Variants in PSMA1 observed in about 807,000 individuals in gnomAD.
PSMA1 encodes proteasome subunit alpha type-1.
PSMA1 carries 3 observed loss-of-function variants against 38.4 expected under a neutral mutation model. That is an observed-to-expected ratio of 0.08 (90% CI 0.04 to 0.20). PSMA1 has a LOEUF of 0.20. Among genes scored for constraint, PSMA1 ranks in the 10% least tolerant of loss-of-function variants. The pLI is 1.00. For synonymous variants in PSMA1, 101 were observed against 107.1 expected (o/e 0.94, Z 0.35); for missense variants, 227 against 325.3 (o/e 0.70, Z 2.32).
chr11:14,511,504 C>G (rs1851342572), intron 7 of PSMA1, among the ~76,000 whole-genome samples: 1 of 134,810 alleles, frequency 7.4e-6, no homozygotes, highest in African/African-American at 2.5e-5. Context: ...GTTAGTTTAA[C>G]AACTGAAAGT....
At chr11:14,639,269 G>C (rs1479133432) in intron 1 of PSMA1, among the ~76,000 whole-genome samples, 2 of 148,828 alleles carry the variant, frequency 1.3e-5, no homozygotes, top group Non-Finnish European at 3.0e-5. Flanking sequence ...TAGGAAAAAG[G>C]GTTCTTTTAG....
chr11:14,535,456 T>C (rs1365324162), intron 2 of PSMA1, among the ~76,000 whole-genome samples: 1 of 151,606 alleles, frequency 6.6e-6, no homozygotes, highest in Non-Finnish European at 1.5e-5. Context: ...TTTTTTTTTT[T>C]TTTTGAGACG....
chr11:14,564,788 T>C (rs1333427354), intron 2 of PSMA1, among the ~76,000 whole-genome samples: 1 of 151,812 alleles, frequency 6.6e-6, no homozygotes, highest in Admixed American at 6.6e-5. Context: ...TTCTTTCTTT[T>C]TTTTTTTTTG....
At chr11:14,569,223 G>A (rs984044489) in intron 2 of PSMA1, among the ~76,000 whole-genome samples, 5 of 152,128 alleles carry the variant, frequency 3.3e-5, no homozygotes, top group Non-Finnish European at 7.3e-5. Context: ...TTGCTGCTTA[G>A]AAATTTCTTC....
chr11:14,555,245 C>T (rs75336838), intron 2 of PSMA1, among the ~76,000 whole-genome samples: 2,089 of 152,286 alleles, frequency 0.014, 19 homozygotes, highest in Middle Eastern at 0.044. Context: ...AATTACATTT[C>T]CCACTTTATG....
intron 1 of PSMA1, among the ~76,000 whole-genome samples, chr11:14,639,378 C>A (rs1333386935): frequency 6.6e-6 from 1 of 152,112 alleles, no homozygotes; most frequent in Non-Finnish European, 1.5e-5. Context: ...TATTAAAATT[C>A]ATTGACTAAT....
Position 14,557,672 on chromosome 11 carries a change from TC to T in PSMA1, c.22-38632del, listed in dbSNP as rs556179662. Among the ~76,000 whole-genome samples, 15 of 152,300 alleles carry T rather than the reference TC, an allele frequency of 9.8e-5. No individual in the cohort carries two copies. The South Asian group carries it at 3.1e-3, about 32-fold the overall frequency. On this transcript the variant is annotated intron_variant, in intron 2 of 10. Coordinates refer to the PSMA1 transcript ENST00000418988. ...GAATTCATCATTCAGTCTGTAGACT[TC>T]CATTTAAATCCCTTGTTTTCAGTTG...
At chr11:14,590,451 C>CA (rs1337293300) in intron 2 of PSMA1, among the ~76,000 whole-genome samples, 4 of 151,008 alleles carry the variant, frequency 2.6e-5, no homozygotes, top group African/African-American at 9.7e-5. Context: ...TCATGAAAAC[C>CA]AAAAAAACAG....
At chr11:14,620,748 T>C (rs757471062) in intron 1 of PSMA1, among the ~76,000 whole-genome samples, 11 of 152,222 alleles carry the variant, frequency 7.2e-5, no homozygotes, top group Non-Finnish European at 1.3e-4. Flanking sequence ...AATTCATGTT[T>C]AGATCTTGTC....
At chr11:14,580,106 A>G (rs984400440) in intron 2 of PSMA1, among the ~76,000 whole-genome samples, 1 of 152,216 alleles carries the variant, frequency 6.6e-6, no homozygotes, top group Non-Finnish European at 1.5e-5. Flanking sequence ...ATCTGTCTGC[A>G]ATACAAATGT....
intron 2 of PSMA1, among the ~76,000 whole-genome samples, chr11:14,527,367 C>A (rs952236884): frequency 6.6e-6 from 1 of 152,154 alleles, no homozygotes. Flanking sequence ...AAGGAAAATA[C>A]CTCCTTCCAG....
intron 1 of PSMA1, among the ~76,000 whole-genome samples, chr11:14,616,097 T>C (rs1694344600): frequency 6.6e-6 from 1 of 152,146 alleles, no homozygotes; most frequent in Non-Finnish European, 1.5e-5. Context: ...ATCTGGCACC[T>C]ACTGATACAA....
chr11:14,526,128 C>T (rs1300154578), intron 2 of PSMA1, among the ~76,000 whole-genome samples: 1 of 152,168 alleles, frequency 6.6e-6, no homozygotes, highest in Non-Finnish European at 1.5e-5. Flanking sequence ...AACCCCAACA[C>T]CTACAAAACG....
Position 14,546,506 on chromosome 11 carries a change from C to T in PSMA1, c.22-27465G>A, listed in dbSNP as rs1314099799. Among the ~76,000 whole-genome samples, 4 of 152,158 alleles carry T rather than the reference C, an allele frequency of 2.6e-5. No individual in the cohort carries two copies. The East Asian group carries it at 5.8e-4, about 22-fold the overall frequency. ...AGGCTGGAGTACAATGGCACGATCT[C>T]GGCTCACTGCAACCTCTGCCTCTCG... On this transcript the variant is annotated intron_variant, in intron 2 of 10. Coordinates refer to the PSMA1 transcript ENST00000418988.
intron 2 of PSMA1, among the ~76,000 whole-genome samples, chr11:14,525,695 G>A (rs1372341303): frequency 1.3e-5 from 2 of 152,022 alleles, no homozygotes; most frequent in South Asian, 2.1e-4. Flanking sequence ...CTCACTATTC[G>A]GTTCTTGATC....
rs1473978771 is a variant in PSMA1, at chr11:14,510,555, T to C, written c.624+317A>G. ...TTTGTTGTGTTTACTGTATTTTCAA[T>C]GCTTAGAAAGTGCCTGCACATGGTA... On this transcript the variant is annotated intron_variant, in intron 8 of 9. Transcript: ENST00000396394. Among the ~76,000 whole-genome samples the C allele has an allele frequency of 2.6e-5, 4 of 152,222 alleles. No homozygotes were observed. The East Asian group carries it at 5.8e-4, about 22-fold the overall frequency.
chr11:14,569,094 G>A (rs1330824588), intron 2 of PSMA1, among the ~76,000 whole-genome samples: 1 of 152,164 alleles, frequency 6.6e-6, no homozygotes, highest in Non-Finnish European at 1.5e-5. Context: ...CTTGTTACTT[G>A]TGCAAATTTC....
At chr11:14,535,452 T>C (rs1167124138) in intron 2 of PSMA1, among the ~76,000 whole-genome samples, 21 of 151,456 alleles carry the variant, frequency 1.4e-4, no homozygotes, top group Non-Finnish European at 2.5e-4. Context: ...TTCTTTTTTT[T>C]TTTTTTTTGA....
At chr11:14,591,123 G>C (rs770680064) in intron 2 of PSMA1, among the ~76,000 whole-genome samples, 1 of 152,228 alleles carries the variant, frequency 6.6e-6, no homozygotes, top group African/African-American at 2.4e-5. Context: ...GGAGTTCCAG[G>C]TGGGCATGGG....
Sources: allele counts gnomAD v4.1 joint callset (sites outside exome capture counted in the v4.1 genomes callset), GRCh38; gene constraint gnomAD v4.1.1; transcripts MANE v1.5; gene names NCBI Gene and HGNC (gene_info 2026-07-23, HGNC 2026-07-21).